The following THEMIS variants were observed in gnomAD, a reference collection of about 807,000 sequenced individuals.
THEMIS encodes the protein protein THEMIS.
In THEMIS, 37 loss-of-function variants were observed where a neutral mutation model predicts 52.6. That is an observed-to-expected ratio of 0.70 (90% CI 0.54 to 0.93). THEMIS has a LOEUF of 0.93. Ranked by LOEUF, THEMIS falls within the 40% of genes least tolerant of loss-of-function variation. The pLI is 0.00. For missense variants in THEMIS, 808 were observed against 763.1 expected (o/e 1.06, Z -0.69); for synonymous variants, 292 against 272.7 (o/e 1.07, Z -0.70).
At chr6:127,714,338 CAA>C (rs368672511) in intron 5 of THEMIS, among the ~76,000 whole-genome samples, 99 of 151,340 alleles carry the variant, frequency 6.5e-4, no homozygotes, top group African/African-American at 2.3e-3. Context: ...AGATGTGTTC[CAA>C]TAAAACTTTA....
downstream of THEMIS, among the ~76,000 whole-genome samples, chr6:127,705,359 T>C (rs1426024214): frequency 6.6e-6 from 1 of 152,212 alleles, no homozygotes; most frequent in Non-Finnish European, 1.5e-5. Context: ...GGAGTAACCA[T>C]GATGGCAGAT....
chr6:127,777,176 T>G (rs2114465646), intron 4 of THEMIS, among the ~76,000 whole-genome samples: 1 of 152,038 alleles, frequency 6.6e-6, no homozygotes, highest in African/African-American at 2.4e-5. Flanking sequence ...GAGTTTAAAT[T>G]TAACACCTTG....
Position 127,709,784 on chromosome 6 carries a change from A to C in THEMIS, c.*201T>G. 1 of 524,320 alleles carries C rather than the reference A, an allele frequency of 1.9e-6. No individual in the cohort carries two copies. The highest frequency in any genetic ancestry group is 3.3e-6 in the Non-Finnish European group (1 of 301,260). 32.5% of individuals were successfully genotyped at this position (524,320 alleles called of 1,614,324 possible). ...ATGCCTACAGATTTAGACACAACAG[A>C]ATAGACTATATGAATTCTATATCAT... On this transcript the variant is annotated 3_prime_UTR_variant, in exon 6 of 6. Coordinates refer to ENST00000368248, the MANE Select transcript of THEMIS (RefSeq NM_001010923.3).
chr6:127,741,014 T>C (rs1775184533), intron 4 of THEMIS, among the ~76,000 whole-genome samples: 1 of 152,208 alleles, frequency 6.6e-6, no homozygotes, highest in Non-Finnish European at 1.5e-5. Context: ...TGAAAAGTAC[T>C]TAAATTTTAT....
At chr6:127,806,318 T>C (rs114141074) in intron 4 of THEMIS, among the ~76,000 whole-genome samples, 1 of 152,340 alleles carries the variant, frequency 6.6e-6, no homozygotes, top group African/African-American at 2.4e-5. Flanking sequence ...TCACATTTTT[T>C]TCTGCTAAAA....
chr6:127,874,610 G>A (rs568340346), intron 1 of THEMIS, among the ~76,000 whole-genome samples: 2 of 152,166 alleles, frequency 1.3e-5, no homozygotes, highest in South Asian at 2.1e-4. Flanking sequence ...CTGCATATAA[G>A]TGGACCCACA....
intron 1 of THEMIS, among the ~76,000 whole-genome samples, chr6:127,858,216 C>G (rs992748803): frequency 8.5e-5 from 13 of 152,050 alleles, no homozygotes; most frequent in African/African-American, 3.1e-4. Context: ...GAGTCTTGGT[C>G]ACCACAAGAA....
At chr6:127,852,558 C>G (rs562226596) in intron 2 of THEMIS, among the ~76,000 whole-genome samples, 2 of 151,382 alleles carry the variant, frequency 1.3e-5, no homozygotes, top group East Asian at 3.9e-4. Flanking sequence ...AATTAGAAAT[C>G]AATAGCAAAA....
chr6:127,819,151 A>G (rs1323978725), intron 3 of THEMIS, among the ~76,000 whole-genome samples: 72 of 127,072 alleles, frequency 5.7e-4, no homozygotes, highest in African/African-American at 2.0e-3. Context: ...AAAAAAAAAG[A>G]AAGAAATTAA....
At chr6:127,819,366 C>A (rs569101381) in intron 3 of THEMIS, among the ~76,000 whole-genome samples, 2 of 151,778 alleles carry the variant, frequency 1.3e-5, no homozygotes, top group Admixed American at 1.3e-4. Context: ...CCTGGGTATA[C>A]CAGAAGGAGA....
intron 4 of THEMIS, among the ~76,000 whole-genome samples, chr6:127,799,315 C>T (rs1200126865): frequency 2.6e-5 from 4 of 151,982 alleles, no homozygotes; most frequent in African/African-American, 7.3e-5. Flanking sequence ...ATAATCCAGA[C>T]AAGAAATGAT....
At chr6:127,706,040 C>T (rs1255756606), downstream of THEMIS, among the ~76,000 whole-genome samples, 1 of 152,040 alleles carries the variant, frequency 6.6e-6, no homozygotes, top group Non-Finnish European at 1.5e-5. Flanking sequence ...GAGTATCTTC[C>T]CCCTTAACCT....
intron 4 of THEMIS, among the ~76,000 whole-genome samples, chr6:127,803,399 T>TC (rs530440438): frequency 1.4e-5 from 2 of 144,670 alleles, no homozygotes; most frequent in East Asian, 3.9e-4. Flanking sequence ...ATCTGCTTTC[T>TC]TTTTTTTCTA....
At chr6:127,884,297 C>A in intron 1 of THEMIS, among the ~76,000 whole-genome samples, 1 of 152,124 alleles carries the variant, frequency 6.6e-6, no homozygotes, top group East Asian at 1.9e-4. Flanking sequence ...CACAAGATTT[C>A]TTTCACTCAT....
At chr6:127,895,880 A>G (rs1158813755) in intron 1 of THEMIS, among the ~76,000 whole-genome samples, 2 of 151,360 alleles carry the variant, frequency 1.3e-5, no homozygotes, top group African/African-American at 4.8e-5. Flanking sequence ...AACTAACTTG[A>G]TAATAAAGCC....
intron 5 of THEMIS, among the ~76,000 whole-genome samples, chr6:127,712,025 G>T (rs899352738): frequency 2.6e-5 from 4 of 151,884 alleles, no homozygotes; most frequent in African/African-American, 9.7e-5. Flanking sequence ...CAATTACTTT[G>T]TAAAATGTAA....
At chr6:127,716,733 C>T (rs1371311017) in intron 5 of THEMIS, among the ~76,000 whole-genome samples, 2 of 151,622 alleles carry the variant, frequency 1.3e-5, no homozygotes, top group South Asian at 4.1e-4. Flanking sequence ...AACATTTCCA[C>T]TTAACACATG....
chr6:127,770,614 A>G (rs978571783), intron 4 of THEMIS, among the ~76,000 whole-genome samples: 3 of 151,982 alleles, frequency 2.0e-5, no homozygotes, highest in African/African-American at 7.2e-5. Context: ...GCTGTGCAGA[A>G]GCTCTTTAAT....
upstream of THEMIS, chr6:127,901,109 G>T (rs1357586932): frequency 1.7e-6 from 1 of 591,988 alleles, no homozygotes. Flanking sequence ...TGAAGAGGGA[G>T]GGGGGAAGCA....
Sources: allele counts gnomAD v4.1 joint callset (sites outside exome capture counted in the v4.1 genomes callset), GRCh38; gene constraint gnomAD v4.1.1; transcripts MANE v1.5; gene names NCBI Gene and HGNC (gene_info 2026-07-23, HGNC 2026-07-21).